The following BECN1 variants were observed in gnomAD, a reference collection of about 807,000 sequenced individuals.
BECN1 encodes beclin 1.
A neutral mutation model predicts 60.1 loss-of-function variants in BECN1; 15 were observed. The ratio of observed to expected loss-of-function variants is 0.25; its 90% CI spans 0.17 to 0.38. The LOEUF is 0.38. BECN1 is among the 10% of genes least tolerant of loss of function. The probability of loss-of-function intolerance (pLI) is 1.00; values close to 1 mark genes in which losing one functional copy is unlikely to be tolerated. For synonymous variants in BECN1, 179 were observed against 201.8 expected, an observed-to-expected ratio of 0.89 and a Z score of 0.96; for missense variants, 424 against 548.2, an observed-to-expected ratio of 0.77 and a Z score of 2.26.
intron 10 of BECN1, 113 bp from the exon 11 acceptor site, chr17:42,811,910 CTTGTA>C: frequency 7.6e-7 from 1 of 1,324,068 alleles, no homozygotes. Flanking sequence ...CCACTGGAAA[CTTGTA>C]TTGTAGCTGG....
chr17:42,821,514 T>C (rs978563200), intron 2 of BECN1, among the ~76,000 whole-genome samples: 1 of 152,168 alleles, frequency 6.6e-6, no homozygotes, highest in African/African-American at 2.4e-5. Context: ...TGCAACTAGG[T>C]GATGGGTACA....
At chr17:42,815,874 T>C (rs763102965) in intron 8 of BECN1, 34 bp downstream of exon 8, 2 of 1,613,822 alleles carry the variant, frequency 1.2e-6, no homozygotes, top group African/African-American at 1.3e-5. Context: ...GGTCTAGATA[T>C]GTGCAGTGCT....
intron 3 of BECN1, 92 bp downstream of exon 3, chr17:42,820,682 G>A: frequency 7.3e-7 from 1 of 1,361,174 alleles, no homozygotes; most frequent in Non-Finnish European, 1.0e-6. Context: ...GTAGCCTGCA[G>A]AAACCAAGCC....
intron 10 of BECN1, chr17:42,813,705 G>A (rs1031503098): frequency 1.3e-5 from 4 of 313,502 alleles, no homozygotes; most frequent in Non-Finnish European, 2.4e-5. Context: ...TCTTTTCCTA[G>A]CCTAGTGCAC....
chr17:42,824,224 G>A lies in BECN1; in HGVS notation c.-72C>T, dbSNP rs910784540. ...GGCACTGTGGCCTCGGGTCGGCCCC[G>A]GAGCGAGGCCTCCAGAACTACCATC... On this transcript the variant is annotated 5_prime_UTR_variant, in exon 1 of 12. Coordinates refer to ENST00000590099, the MANE Select transcript of BECN1 (RefSeq NM_001313998.2). 2 of 409,442 alleles carry A rather than the reference G, an allele frequency of 4.9e-6. No homozygotes were observed. Among genetic ancestry groups the A allele is most frequent in the Non-Finnish European group, 4.3e-6 (1 of 231,130 alleles). The allele number at this position is 409,442 out of a possible 1,614,324, so 25.4% of individuals were successfully genotyped here.
At position 42,818,379 on chromosome 17, in the gene BECN1, A is replaced by C; in HGVS notation, c.525T>G (p.Asp175Glu). 6.2e-7 allele frequency: 1 copy of C among 1,614,204 alleles called. No individual in the cohort carries two copies. Among genetic ancestry groups the C allele is most frequent in the Non-Finnish European group, 8.5e-7 (1 of 1,180,044 alleles). The change falls in exon 7 of 12, where the codon GAT becomes GAG. Residue 175 changes from aspartate to glutamate, a missense_variant. Physicochemically the swap from Asp to Glu is conservative, Grantham distance 45 (BLOSUM62 2). Coordinates refer to ENST00000590099, the MANE Select transcript of BECN1 (RefSeq NM_001313998.2). ...CLEILEQMNE[D>E]DSEQLQMELK... ...GCTCCATCTGTAACTGTTCACTGTC[A>C]TCCTCATTCATTTGCTCTAAGATCT...
intron 7 of BECN1, 98 bp from the exon 8 acceptor site, chr17:42,816,152 A>T: frequency 7.9e-7 from 1 of 1,264,168 alleles, no homozygotes; most frequent in Non-Finnish European, 1.1e-6. Context: ...TCATCGTTAC[A>T]TCTAGCTCTC....
In BECN1 at chr17:42,820,852, G is replaced by C. The variant is rs771855628; in HGVS notation, c.131-11C>G. The C allele has an allele frequency of 1.9e-6, 3 of 1,587,488 alleles. No individual in the cohort carries two copies. The highest frequency in any genetic ancestry group is 1.7e-6 in the Non-Finnish European group (2 of 1,164,668). On this transcript the variant is annotated splice_polypyrimidine_tract_variant and intron_variant, in intron 2 of 11. Coordinates refer to ENST00000590099, the MANE Select transcript of BECN1 (RefSeq NM_001313998.2). ...TGGTAAGTAATGGAGCTAAGGGCAAGGAAAATATTGGGTCAGAAACAGTCT... is the reference window on the plus strand; with the variant it reads ...TGGTAAGTAATGGAGCTAAGGGCAACGAAAATATTGGGTCAGAAACAGTCT...
chr17:42,813,537 G>A (rs938906921), intron 10 of BECN1: 2 of 159,060 alleles, frequency 1.3e-5, no homozygotes, highest in African/African-American at 4.8e-5. Flanking sequence ...CTCTGTCTCA[G>A]AAGAAGAAAC....
intron 10 of BECN1, among the ~76,000 whole-genome samples, chr17:42,813,044 CTG>C (rs2055063887): frequency 6.9e-6 from 1 of 145,714 alleles, no homozygotes. Context: ...CGGGGTTTCA[CTG>C]TGTTAGCCAG....
In BECN1 at chr17:42,810,939, A is replaced by C; in HGVS notation, c.1185-11T>G. 1.3e-6 allele frequency: 2 copies of C among 1,572,036 alleles called. No homozygotes were observed. The highest frequency in any genetic ancestry group is 1.7e-6 in the Non-Finnish European group (2 of 1,159,122). On this transcript the variant is annotated splice_polypyrimidine_tract_variant and intron_variant, in intron 11 of 11. Coordinates refer to ENST00000590099, the MANE Select transcript of BECN1 (RefSeq NM_001313998.2). Reference sequence around the variant, plus strand: ...TTCTCCACATCCATCCTGCAGATGGACAGAGCAAAACTCATTAGTAACTGA... The same window carrying C: ...TTCTCCACATCCATCCTGCAGATGGCCAGAGCAAAACTCATTAGTAACTGA...
chr17:42,819,290 T>C (rs951930930), intron 4 of BECN1: 1 of 489,706 alleles, frequency 2.0e-6, no homozygotes, highest in African/African-American at 2.0e-5. Flanking sequence ...CTCTTGGTGA[T>C]TGGTCAATCA....
At chr17:42,817,314 A>C (rs2055168600) in intron 7 of BECN1, among the ~76,000 whole-genome samples, 1 of 152,068 alleles carries the variant, frequency 6.6e-6, no homozygotes, top group South Asian at 2.1e-4. Context: ...AAAAAACAAA[A>C]AAACAGTGGC....
chr17:42,819,684 C>T (rs990845635), intron 3 of BECN1, 75 bp from the exon 4 acceptor site: 1 of 1,445,722 alleles, frequency 6.9e-7, no homozygotes, highest in African/African-American at 1.4e-5. Flanking sequence ...AGCCTCAGAA[C>T]TATATGGCTT....
In BECN1 at chr17:42,810,781, G is replaced by A. The variant is rs1457247137; in HGVS notation, c.1332C>T (p.Ser444=). The part of the protein sequence containing the change: ...TNLKWGLAWV[S]SQFYNK Reference sequence around the variant, plus strand: ...AAAGTCATTTGTTATAAAATTGTGAGGACACCCAAGCAAGACCCCACTTAA... The same window carrying A: ...AAAGTCATTTGTTATAAAATTGTGAAGACACCCAAGCAAGACCCCACTTAA... The change falls in exon 12 of 12, where the codon TCC becomes TCT. Residue 444 remains serine (S), a synonymous_variant. Coordinates refer to ENST00000590099, the MANE Select transcript of BECN1 (RefSeq NM_001313998.2). The A allele has an allele frequency of 1.2e-6, 2 of 1,609,376 alleles. No homozygotes were observed. The highest frequency in any genetic ancestry group is 1.7e-6 in the Non-Finnish European group (2 of 1,178,060).
chr17:42,815,674 GTTT>G, intron 8 of BECN1: 1 of 561,676 alleles, frequency 1.8e-6, no homozygotes, highest in South Asian at 2.3e-5. Flanking sequence ...AGCTTACCAG[GTTT>G]TTAAGTGGCT....
intron 3 of BECN1, 33 bp downstream of exon 3, chr17:42,820,741 T>C: frequency 6.5e-7 from 1 of 1,531,000 alleles, no homozygotes; most frequent in Non-Finnish European, 8.9e-7. Context: ...GTTTACTACA[T>C]GAGGAGGATA....
chr17:42,814,320 A>T, intron 9 of BECN1: 1 of 662,160 alleles, frequency 1.5e-6, no homozygotes, highest in Middle Eastern at 3.2e-4. Flanking sequence ...GAACTATGCT[A>T]TAGTCACGCA....
At chr17:42,818,187 G>A (rs372859209) in intron 7 of BECN1, 34 bp downstream of exon 7, 105 of 1,601,944 alleles carry the variant, frequency 6.6e-5, no homozygotes, top group Admixed American at 1.7e-4. Flanking sequence ...CTGGAGCCTC[G>A]AGTGTGAGAA....
Sources: gnomAD v4.1 joint callset for allele counts (sites outside exome capture counted in the v4.1 genomes callset) on GRCh38, gnomAD v4.1.1 for gene constraint, MANE v1.5 for transcripts, NCBI Gene and HGNC (gene_info 2026-07-23, HGNC 2026-07-21) for gene names.